The following RPL15 variants were observed in gnomAD, a reference collection of about 807,000 sequenced individuals.
The protein encoded by RPL15 is large ribosomal subunit protein eL15.
For synonymous variants in RPL15, 97 were observed against 95.1 expected, an observed-to-expected ratio of 1.02 and a Z score of -0.12; for missense variants, 161 against 271.8, an observed-to-expected ratio of 0.59 and a Z score of 2.87.
At chr3:23,916,980 G>A (rs569577408), upstream of RPL15, 2 of 152,792 alleles carry the variant, frequency 1.3e-5, no homozygotes, top group Admixed American at 6.5e-5. Flanking sequence ...CGGAGCAGGG[G>A]GCGGGACAAT....
At chr3:23,921,622 G>A (rs777696157), downstream of RPL15, 2 of 674,048 alleles carry the variant, frequency 3.0e-6, no homozygotes, top group South Asian at 1.5e-5. Context: ...TCACTCAGGT[G>A]GGAGTGCAGT....
chr3:23,924,581 G>A (rs576423922), downstream of RPL15, among the ~76,000 whole-genome samples: 8 of 152,156 alleles, frequency 5.3e-5, no homozygotes, highest in South Asian at 1.7e-3. Context: ...TGTACTTTTA[G>A]TAGAGGCGGG....
Position 23,920,088 on chromosome 3 carries a change from A to C in RPL15, c.*587A>C. The C allele has an allele frequency of 1.0e-6, 1 of 985,894 alleles. No individual in the cohort carries two copies. The highest frequency in any genetic ancestry group is 1.7e-5 in the African/African-American group (1 of 57,354). The allele number at this position is 985,894 out of a possible 1,614,324, so 61.1% of individuals were successfully genotyped here. A position where few individuals can be genotyped will look rare whatever the true frequency, so the allele number is the denominator to read the frequency against. ...AAACACTGGTGTGTTTTGAAGTTGAATGTGCGATAAAATTATTAGCCTTAA... is the reference window on the plus strand; with the variant it reads ...AAACACTGGTGTGTTTTGAAGTTGACTGTGCGATAAAATTATTAGCCTTAA... On this transcript the variant is annotated 3_prime_UTR_variant, in exon 4 of 4. Transcript: ENST00000307839.
intron 3 of RPL15, chr3:23,918,989 A>C (rs1704898152): frequency 5.1e-6 from 3 of 592,648 alleles, no homozygotes; most frequent in Non-Finnish European, 9.0e-6. Context: ...AGAGGGAATG[A>C]TGTGTTTCAG....
chr3:23,921,569 AGT>A, downstream of RPL15: 9 of 512,682 alleles, frequency 1.8e-5, no homozygotes, highest in East Asian at 3.5e-5. Context: ...TTGATTATTG[AGT>A]TTTTTTTTTT....
chr3:23,921,546 TCA>T, downstream of RPL15: 3 of 681,316 alleles, frequency 4.4e-6, no homozygotes, highest in Non-Finnish European at 7.9e-6. Context: ...GGCATGTAAT[TCA>T]CACAGCAACA....
chr3:23,923,153 C>T (rs1013343728), downstream of RPL15: 10 of 151,556 alleles, frequency 6.6e-5, no homozygotes, highest in African/African-American at 2.4e-4. Context: ...ATATGATACA[C>T]ATTGTTGATT....
At position 23,919,606 on chromosome 3, in the gene RPL15, G is replaced by C. The variant is rs1704957795; in HGVS notation, c.*105G>C. 17 of 1,422,646 alleles carry C rather than the reference G, an allele frequency of 1.2e-5. No homozygotes were observed. The South Asian group carries it at 2.7e-4, about 22-fold the overall frequency. 88.1% of individuals were successfully genotyped at this position (1,422,646 alleles called of 1,614,324 possible). The stretch of plus-strand genomic sequence containing the variant: ...TAAAACTAGTCTGCAGATGTTTCTT[G>C]AATGCTTTGTCAAATTAAGAAAGTT... On this transcript the variant is annotated 3_prime_UTR_variant, in exon 4 of 4. Coordinates refer to ENST00000307839, the MANE Select transcript of RPL15 (RefSeq NM_002948.5).
In RPL15 at chr3:23,920,432, A is replaced by C; in HGVS notation, c.*931A>C. ...GTTATTTCTCTTGTTCTGGCCAAACAACCCTAAAAATCCTTACCATTCCAC... is the reference window on the plus strand; with the variant it reads ...GTTATTTCTCTTGTTCTGGCCAAACCACCCTAAAAATCCTTACCATTCCAC... On this transcript the variant is annotated 3_prime_UTR_variant, in exon 4 of 4. Coordinates refer to ENST00000307839, the MANE Select transcript of RPL15 (RefSeq NM_002948.5). The C allele has an allele frequency of 3.0e-6, 3 of 985,434 alleles. No homozygotes were observed. Among genetic ancestry groups the C allele is most frequent in the Non-Finnish European group, 3.6e-6 (3 of 829,944 alleles). 61.0% of individuals were successfully genotyped at this position (985,434 alleles called of 1,614,324 possible). A position where few individuals can be genotyped will look rare whatever the true frequency, so the allele number is the denominator to read the frequency against.
Position 23,917,837 on chromosome 3 carries a change from T to G in RPL15, c.-10-13T>G. On this transcript the variant is annotated splice_polypyrimidine_tract_variant and intron_variant, in intron 1 of 3. Transcript: ENST00000307839. Reference sequence around the variant, plus strand: ...AAAGCGGATGATATTTAATACACAGTTTGATTTCACAGGTAAGCCAAGATG... The same window carrying G: ...AAAGCGGATGATATTTAATACACAGGTTGATTTCACAGGTAAGCCAAGATG... 6.2e-7 allele frequency: 1 copy of G among 1,605,240 alleles called. No individual in the cohort carries two copies. Among genetic ancestry groups the G allele is most frequent in the South Asian group, 1.1e-5 (1 of 90,064 alleles).
upstream of RPL15, chr3:23,916,756 G>A (rs913262411): frequency 2.0e-5 from 3 of 149,914 alleles, no homozygotes; most frequent in African/African-American, 7.4e-5. Context: ...ACTCCGCAGG[G>A]GGAGAGCCCG....
chr3:23,920,089 T>C lies in RPL15; in HGVS notation c.*588T>C, dbSNP rs906436203. On this transcript the variant is annotated 3_prime_UTR_variant, in exon 4 of 4. Transcript: ENST00000307839. ...AACACTGGTGTGTTTTGAAGTTGAA[T>C]GTGCGATAAAATTATTAGCCTTAAG... 39 of 985,774 alleles carry C rather than the reference T, an allele frequency of 4.0e-5. No individual in the cohort carries two copies. Among genetic ancestry groups the C allele is most frequent in the Non-Finnish European group, 4.5e-5 (37 of 829,944 alleles). The allele number at this position is 985,774 out of a possible 1,614,324, so 61.1% of individuals were successfully genotyped here.
At chr3:23,916,998 G>C (rs907590016), upstream of RPL15, 1 of 152,622 alleles carries the variant, frequency 6.6e-6, no homozygotes, top group Non-Finnish European at 1.5e-5. Flanking sequence ...AATAGCGGCC[G>C]CGGCGCCCCA....
At chr3:23,921,510 C>A, downstream of RPL15, 1 of 673,160 alleles carries the variant, frequency 1.5e-6, no homozygotes, top group Non-Finnish European at 2.7e-6. Flanking sequence ...ACAAGCTGTT[C>A]CCATTTGCTT....
Position 23,920,273 on chromosome 3 carries a change from A to C in RPL15, c.*772A>C. 1.0e-6 allele frequency: 1 copy of C among 985,782 alleles called. No homozygotes were observed. The highest frequency in any genetic ancestry group is 1.2e-6 in the Non-Finnish European group (1 of 829,876). The allele number at this position is 985,782 out of a possible 1,614,324, so 61.1% of individuals were successfully genotyped here. ...ATCCCTTCAGTCACATTAGGGGGAA[A>C]GTAGTTGGCTATAAGTACGTCATTC... On this transcript the variant is annotated 3_prime_UTR_variant, in exon 4 of 4. Coordinates refer to ENST00000307839, the MANE Select transcript of RPL15 (RefSeq NM_002948.5).
rs1263628972 is a variant in RPL15 at position 23,919,254 on chromosome 3, A to G, written c.368A>G (p.Glu123Gly). 6.2e-7 allele frequency: 1 copy of G among 1,613,358 alleles called. No individual in the cohort carries two copies. The highest frequency in any genetic ancestry group is 1.7e-5 in the Admixed American group (1 of 60,014). The change falls in exon 4 of 4, where the codon GAA (glutamate) becomes GGA (glycine). Residue 123 changes from glutamate to glycine, a missense_variant. Transcript: ENST00000307839. Reference sequence around the variant, plus strand: ...GTCCTGAATTCTTACTGGGTTGGTGAAGATTCCACATACAAATTTTTTGAG... The same window carrying G: ...GTCCTGAATTCTTACTGGGTTGGTGGAGATTCCACATACAAATTTTTTGAG... Reference protein sequence around the residue: ...LRVLNSYWVGEDSTYKFFEVI... With the variant: ...LRVLNSYWVGGDSTYKFFEVI...
At chr3:23,923,602 G>A (rs1289929528), downstream of RPL15, 2 of 152,118 alleles carry the variant, frequency 1.3e-5, no homozygotes, top group East Asian at 3.9e-4. Flanking sequence ...CCTCCTGATG[G>A]ACATTTAAAT....
At chr3:23,921,719 C>A (rs961205352), downstream of RPL15, 1 of 644,682 alleles carries the variant, frequency 1.6e-6, no homozygotes. Context: ...GGACTACAGG[C>A]GCACACTGCC....
upstream of RPL15, chr3:23,916,951 C>A (rs867345053): frequency 6.6e-6 from 1 of 152,658 alleles, no homozygotes; most frequent in African/African-American, 2.4e-5. Flanking sequence ...ACGCCCAGGC[C>A]GCTCAGGCTC....
Sources: gnomAD v4.1 joint callset for allele counts (sites outside exome capture counted in the v4.1 genomes callset) on GRCh38, gnomAD v4.1.1 for gene constraint, MANE v1.5 for transcripts, NCBI Gene and HGNC (gene_info 2026-07-23, HGNC 2026-07-21) for gene names.